PPP1R3A: variants seen among roughly 807,000 people sequenced by gnomAD.
PPP1R3A encodes the protein protein phosphatase 1 regulatory subunit 3A, also known as RG1.
Under a neutral mutation model 41.7 loss-of-function variants are expected in PPP1R3A, and 29 were observed. The observed-to-expected ratio is 0.70, with a 90% confidence interval of 0.52 to 0.95. PPP1R3A has a LOEUF of 0.95. Ranked by LOEUF, PPP1R3A falls within the 40% of genes least tolerant of loss-of-function variation. The pLI is 0.00. For synonymous variants in PPP1R3A, 485 were observed against 453.4 expected, an observed-to-expected ratio of 1.07 and a Z score of -0.89; for missense variants, 1,352 against 1,292.4, an observed-to-expected ratio of 1.05 and a Z score of -0.71.
chr7:113,892,911 C>T (rs1584412243), intron 1 of PPP1R3A, among the ~76,000 whole-genome samples: 1 of 152,104 alleles, frequency 6.6e-6, no homozygotes, highest in East Asian at 1.9e-4. Flanking sequence ...TTGGTTTTGA[C>T]CGACACATTG....
At chr7:113,890,479 A>G (rs561861423) in intron 1 of PPP1R3A, among the ~76,000 whole-genome samples, 8 of 152,278 alleles carry the variant, frequency 5.3e-5, no homozygotes, top group Admixed American at 1.3e-4. Flanking sequence ...GTCTAACTAC[A>G]TATATTAAAA....
chr7:113,917,293 G>A (rs2129121944), intron 1 of PPP1R3A, among the ~76,000 whole-genome samples: 2 of 152,120 alleles, frequency 1.3e-5, no homozygotes, highest in East Asian at 3.9e-4. Flanking sequence ...ACATTTGCCT[G>A]TGGCTGGAGC....
At chr7:113,911,673 T>A (rs1797253989) in intron 1 of PPP1R3A, among the ~76,000 whole-genome samples, 1 of 152,092 alleles carries the variant, frequency 6.6e-6, no homozygotes, top group South Asian at 2.1e-4. Context: ...TGGAAATCAT[T>A]TACCCATAGA....
intron 1 of PPP1R3A, among the ~76,000 whole-genome samples, chr7:113,899,831 T>G (rs1193337704): frequency 6.6e-6 from 1 of 151,834 alleles, no homozygotes; most frequent in African/African-American, 2.4e-5. Context: ...ACTGCTATTC[T>G]ACATTGGCTT....
chr7:113,890,654 A>C (rs1796865056), intron 1 of PPP1R3A, among the ~76,000 whole-genome samples: 1 of 152,112 alleles, frequency 6.6e-6, no homozygotes. Context: ...GAAGAAACAC[A>C]TTGTAGAATA....
At chr7:113,911,292 T>C (rs1335643569) in intron 1 of PPP1R3A, among the ~76,000 whole-genome samples, 1 of 152,106 alleles carries the variant, frequency 6.6e-6, no homozygotes, top group Non-Finnish European at 1.5e-5. Flanking sequence ...CTAGTTAACC[T>C]AGTAAAGCTA....
At chr7:113,915,776 A>G (rs1248241960) in intron 1 of PPP1R3A, among the ~76,000 whole-genome samples, 1 of 151,844 alleles carries the variant, frequency 6.6e-6, no homozygotes, top group Non-Finnish European at 1.5e-5. Flanking sequence ...TTTTGATCAA[A>G]TAAGTATTAG....
chr7:113,882,937 A>T (rs944819855), intron 1 of PPP1R3A, among the ~76,000 whole-genome samples: 4 of 152,060 alleles, frequency 2.6e-5, no homozygotes, highest in African/African-American at 9.6e-5. Context: ...GCCACAGGCC[A>T]ATTTTAAAAG....
chr7:113,913,678 T>A (rs1045903881), intron 1 of PPP1R3A, among the ~76,000 whole-genome samples: 1 of 152,014 alleles, frequency 6.6e-6, no homozygotes, highest in Non-Finnish European at 1.5e-5. Context: ...GGAACATACA[T>A]TTAGCAGGCA....
rs199562846 is a variant in PPP1R3A, at chr7:113,918,378, A to C, written c.619T>G (p.Phe207Val). 23 of 1,613,338 alleles carry C rather than the reference A, an allele frequency of 1.4e-5. No homozygotes were observed. The highest frequency in any genetic ancestry group is 1.6e-5 in the Non-Finnish European group (19 of 1,179,662). ...ACAGAAGTTTCATAACGTATACAAA[A>C]CTCAACTTTACTGCCATCTTTTTGA... ...PYQKDGSKVE[F>V]CIRYETSVGT... Residue 207 changes from phenylalanine to valine, a missense_variant, in exon 1 of 4, where the codon TTT (phenylalanine) becomes GTT (valine). Coordinates refer to ENST00000284601, the MANE Select transcript of PPP1R3A (RefSeq NM_002711.4).
At chr7:113,911,782 G>A (rs1350359883) in intron 1 of PPP1R3A, among the ~76,000 whole-genome samples, 2 of 152,032 alleles carry the variant, frequency 1.3e-5, no homozygotes, top group Non-Finnish European at 1.5e-5. Flanking sequence ...CCTGGGTCCT[G>A]GTAGCAGGAA....
chr7:113,911,979 G>A (rs1797259790), intron 1 of PPP1R3A, among the ~76,000 whole-genome samples: 1 of 152,006 alleles, frequency 6.6e-6, no homozygotes, highest in South Asian at 2.1e-4. Context: ...ACTCTGCCAA[G>A]TAGAAATTAT....
intron 1 of PPP1R3A, among the ~76,000 whole-genome samples, chr7:113,913,304 T>C (rs1036730689): frequency 6.6e-6 from 1 of 152,150 alleles, no homozygotes; most frequent in Admixed American, 6.6e-5. Context: ...CAGCTCTGAC[T>C]GAAACACACA....
chr7:113,879,378 T>C lies in PPP1R3A; in HGVS notation c.1714A>G (p.Ile572Val), dbSNP rs35398707. The C allele has an allele frequency of 1.4e-3, 2,186 of 1,613,578 alleles. 28 individuals carry two copies. In the African/African-American group the frequency reaches 0.025, roughly 19 times the overall value. Residue 572 changes from isoleucine (I) to valine (V), a missense_variant, in exon 4 of 4, where the codon ATC becomes GTC. Physicochemically the swap from Ile to Val is conservative, Grantham distance 29 (BLOSUM62 3). Transcript: ENST00000284601. ...LATLLSEHTA[I>V]PTRAITADVS... Reference sequence around the variant, plus strand: ...TCTGCTGTGATTGCCCGGGTGGGGATTGCGGTATGTTCGCTCAGCAGAGTA... The same window carrying C: ...TCTGCTGTGATTGCCCGGGTGGGGACTGCGGTATGTTCGCTCAGCAGAGTA...
At chr7:113,884,842 A>C (rs981892941) in intron 1 of PPP1R3A, among the ~76,000 whole-genome samples, 1 of 152,076 alleles carries the variant, frequency 6.6e-6, no homozygotes, top group Non-Finnish European at 1.5e-5. Flanking sequence ...TCAACAAGAA[A>C]GTACAAACAA....
At chr7:113,898,068 T>G (rs960147029) in intron 1 of PPP1R3A, among the ~76,000 whole-genome samples, 2 of 151,784 alleles carry the variant, frequency 1.3e-5, no homozygotes, top group Non-Finnish European at 2.9e-5. Flanking sequence ...AAGGACTCAA[T>G]CCGTCTATTG....
intron 1 of PPP1R3A, among the ~76,000 whole-genome samples, chr7:113,886,268 G>T (rs1796783373): frequency 6.6e-6 from 1 of 152,090 alleles, no homozygotes; most frequent in African/African-American, 2.4e-5. Context: ...AGTGTCATGG[G>T]AAGAACCCAG....
intron 1 of PPP1R3A, among the ~76,000 whole-genome samples, chr7:113,910,820 T>G (rs1428597423): frequency 6.6e-6 from 1 of 152,120 alleles, no homozygotes; most frequent in Non-Finnish European, 1.5e-5. Flanking sequence ...CCACGGATGA[T>G]ATTCTGATGG....
chr7:113,915,635 A>G (rs1317798807), intron 1 of PPP1R3A, among the ~76,000 whole-genome samples: 2 of 149,928 alleles, frequency 1.3e-5, no homozygotes, highest in Non-Finnish European at 3.0e-5. Flanking sequence ...ATATACATAT[A>G]TATATTCTGT....
Sources: gnomAD v4.1 joint callset for allele counts (sites outside exome capture counted in the v4.1 genomes callset) on GRCh38, gnomAD v4.1.1 for gene constraint, MANE v1.5 for transcripts, NCBI Gene and HGNC (gene_info 2026-07-23, HGNC 2026-07-21) for gene names.